The following FREM1 variants were observed in gnomAD, a reference collection of about 807,000 sequenced individuals.
The protein encoded by FREM1 is FRAS1 related extracellular matrix 1, also known as FRAS1-related extracellular matrix protein 1.
A neutral mutation model predicts 210.1 loss-of-function variants in FREM1; 220 were observed. The ratio of observed to expected loss-of-function variants is 1.05; its 90% CI spans 0.94 to 1.17. The LOEUF (loss-of-function observed/expected upper bound fraction) is 1.17, where lower values mean the gene tolerates loss of function less well. FREM1 is among the 50% of genes most tolerant of loss of function. The probability of loss-of-function intolerance (pLI) is 0.00; values close to 1 mark genes in which losing one functional copy is unlikely to be tolerated. For synonymous variants in FREM1, 1,189 were observed against 980.2 expected (o/e 1.21, Z -3.98); for missense variants, 3,454 against 2,675.5 (o/e 1.29, Z -6.42).
chr9:14,752,702 TATG>T (rs1163186118), intron 29 of FREM1, among the ~76,000 whole-genome samples: 1 of 152,124 alleles, frequency 6.6e-6, no homozygotes, highest in Non-Finnish European at 1.5e-5. Flanking sequence ...ATATGAATAA[TATG>T]ATTATTAGTA....
chr9:14,833,456 T>C (rs1227308764), intron 10 of FREM1, among the ~76,000 whole-genome samples: 2 of 151,970 alleles, frequency 1.3e-5, no homozygotes, highest in African/African-American at 2.4e-5. Flanking sequence ...TAAAATGGAG[T>C]TGTTTGGGTC....
chr9:14,804,178 A>T (rs149039623), intron 19 of FREM1, among the ~76,000 whole-genome samples: 32 of 152,296 alleles, frequency 2.1e-4, no homozygotes, highest in Middle Eastern at 6.8e-3. Flanking sequence ...CAAGAAAGCA[A>T]AATATGGTTA....
intron 10 of FREM1, among the ~76,000 whole-genome samples, chr9:14,827,553 C>A (rs1215055777): frequency 1.3e-5 from 2 of 152,146 alleles, no homozygotes; most frequent in African/African-American, 4.8e-5. Flanking sequence ...TTGAAAAATT[C>A]TCAGCCTGAC....
chr9:14,869,667 T>G (rs1487870241), intron 1 of FREM1, among the ~76,000 whole-genome samples: 1 of 152,214 alleles, frequency 6.6e-6, no homozygotes, highest in Non-Finnish European at 1.5e-5. Flanking sequence ...AACACATTGT[T>G]TGAAAACATG....
chr9:14,740,114 C>A, intron 36 of FREM1, 35 bp downstream of exon 36: 1 of 1,408,924 alleles, frequency 7.1e-7, no homozygotes, highest in Non-Finnish European at 1.0e-6. Context: ...GTCCTTGCCT[C>A]CCTCCTCAGT....
intron 35 of FREM1, among the ~76,000 whole-genome samples, chr9:14,743,472 T>G (rs7872460): frequency 0.33 from 50,029 of 151,650 alleles, 8,269 homozygotes; most frequent in South Asian, 0.4. Context: ...TATAATCTCG[T>G]AATAAAGAAC....
intron 10 of FREM1, among the ~76,000 whole-genome samples, chr9:14,832,096 G>A (rs989896331): frequency 6.6e-6 from 1 of 152,176 alleles, no homozygotes; most frequent in African/African-American, 2.4e-5. Context: ...GGACTCCTTC[G>A]ACCTTGAAAC....
chr9:14,891,863 G>T (rs1836877038), intron 1 of FREM1, among the ~76,000 whole-genome samples: 1 of 152,172 alleles, frequency 6.6e-6, no homozygotes, highest in South Asian at 2.1e-4. Flanking sequence ...GCAAGAAAAA[G>T]TTCAATAAGA....
In FREM1 at chr9:14,824,917, C is replaced by T. The variant is rs1468718689; in HGVS notation, c.1957G>A (p.Val653Ile). The T allele has an allele frequency of 6.2e-7, 1 of 1,610,892 alleles. No individual in the cohort carries two copies. Among genetic ancestry groups the T allele is most frequent in the African/African-American group, 1.3e-5 (1 of 74,844 alleles). The stretch of plus-strand genomic sequence containing the variant: ...ATATAGGCCACCTCAGTTTCCTTGA[C>T]AACCAAATGCCGAGAAACTCCAGGA... ...EAPGVSRHLV[V>I]KETEVAYITK... Residue 653 changes from valine (V) to isoleucine (I), a missense_variant, in exon 11 of 37, where the codon GTC becomes ATC. Val to Ile is a conservative substitution (Grantham distance 29). Coordinates refer to ENST00000380880, the MANE Select transcript of FREM1 (RefSeq NM_001379081.2).
rs190518628 is a variant in FREM1, at chr9:14,752,346, G to A, written c.5408-2070C>T. Among the ~76,000 whole-genome samples, 263 of 152,276 alleles carry A rather than the reference G, an allele frequency of 1.7e-3. 1 individual carries two copies. Among genetic ancestry groups the A allele is most frequent in the African/African-American group, 5.9e-3 (244 of 41,560 alleles). On this transcript the variant is annotated intron_variant, in intron 29 of 36. Coordinates refer to ENST00000380880, the MANE Select transcript of FREM1 (RefSeq NM_001379081.2). Reference sequence around the variant, plus strand: ...TAAGTAAAGACAGGAAGATAGCAAAGCAGAGGTCTTGACTCGGGAAGGGTG... The same window carrying A: ...TAAGTAAAGACAGGAAGATAGCAAAACAGAGGTCTTGACTCGGGAAGGGTG...
At chr9:14,764,265 T>A (rs887223055) in intron 27 of FREM1, among the ~76,000 whole-genome samples, 2 of 152,210 alleles carry the variant, frequency 1.3e-5, no homozygotes, top group Non-Finnish European at 2.9e-5. Context: ...TCATTAAACC[T>A]CTTTTTCTTT....
intron 1 of FREM1, among the ~76,000 whole-genome samples, chr9:14,907,678 C>G (rs1371780590): frequency 6.6e-6 from 1 of 152,156 alleles, no homozygotes; most frequent in Non-Finnish European, 1.5e-5. Context: ...TTCCTGTGGT[C>G]ATGGTGCTTT....
Position 14,859,457 on chromosome 9 carries a change from T to G in FREM1, c.357A>C (p.Glu119Asp), listed in dbSNP as rs1193613807. ...YRFTERDTFI[E>D]TFILWVYLLE... ...GGAGATAGACCCACAGGATAAAAGT[T>G]TCTATGAAGGTATCTCTTTCAGTAA... is the stretch of plus-strand genomic sequence containing the variant. The change falls in exon 4 of 37, where the codon GAA becomes GAC. Residue 119 changes from glutamate to aspartate, a missense_variant. Physicochemically the swap from Glu to Asp is conservative, Grantham distance 45 (BLOSUM62 2). Coordinates refer to ENST00000380880, the MANE Select transcript of FREM1 (RefSeq NM_001379081.2). The G allele has an allele frequency of 2.5e-6, 4 of 1,613,248 alleles. No homozygotes were observed. Among genetic ancestry groups the G allele is most frequent in the East Asian group, 2.2e-5 (1 of 44,882 alleles).
intron 1 of FREM1, among the ~76,000 whole-genome samples, chr9:14,887,503 G>A (rs917574040): frequency 6.6e-6 from 1 of 152,090 alleles, no homozygotes; most frequent in Non-Finnish European, 1.5e-5. Context: ...ACCTCTTATC[G>A]AGCTTTAATT....
chr9:14,801,346 C>T (rs1264444293), intron 20 of FREM1, among the ~76,000 whole-genome samples: 1 of 152,190 alleles, frequency 6.6e-6, no homozygotes, highest in African/African-American at 2.4e-5. Flanking sequence ...CATTACTTCT[C>T]ATACTCATTT....
chr9:14,745,187 G>A (rs1219875301), intron 35 of FREM1, among the ~76,000 whole-genome samples: 2 of 152,126 alleles, frequency 1.3e-5, no homozygotes, highest in African/African-American at 4.8e-5. Context: ...CCTGGATGTT[G>A]AAATAATCTC....
rs6150929 is a variant in FREM1, at chr9:14,785,695, A to ATATACTATACGAT, written c.4178-1062_4178-1061insATCGTATAGTATA. Reference sequence around the variant, plus strand: ...TGAAATAAGCCAGTCATGAAAAGATATCCACTTACATGAAGTACCTAGAGT... The same window carrying ATATACTATACGAT: ...TGAAATAAGCCAGTCATGAAAAGATATATACTATACGATTCCACTTACATGAAGTACCTAGAGT... On this transcript the variant is annotated intron_variant, in intron 23 of 36. Transcript: ENST00000380880. 3.1e-4 allele frequency among the ~76,000 whole-genome samples: 47 copies of ATATACTATACGAT among 152,116 alleles called. 1 individual carries two copies. The highest frequency in any genetic ancestry group is 2.3e-3 in the East Asian group (12 of 5,168).
intron 1 of FREM1, among the ~76,000 whole-genome samples, chr9:14,895,288 G>A (rs564760449): frequency 6.6e-6 from 1 of 152,290 alleles, no homozygotes; most frequent in East Asian, 1.9e-4. Context: ...GTCTTACCAT[G>A]ACTTGTCTTT....
At chr9:14,824,254 G>A in intron 11 of FREM1, 139 bp from the exon 12 acceptor site, 1 of 597,442 alleles carries the variant, frequency 1.7e-6, no homozygotes, top group Non-Finnish European at 3.0e-6. Context: ...TCTTTATGTT[G>A]GGAGATTCTA....
Sources: gnomAD v4.1 joint callset for allele counts (sites outside exome capture counted in the v4.1 genomes callset) on GRCh38, gnomAD v4.1.1 for gene constraint, MANE v1.5 for transcripts, NCBI Gene and HGNC (gene_info 2026-07-23, HGNC 2026-07-21) for gene names.